Variants in BRCA1 observed in about 807,000 individuals in gnomAD.
BRCA1 encodes the protein BRCA1 DNA repair associated.
In BRCA1, 140 loss-of-function variants were observed where a neutral mutation model predicts 173.7. The ratio of observed to expected loss-of-function variants is 0.81; its 90% CI spans 0.70 to 0.93. The LOEUF (loss-of-function observed/expected upper bound fraction) is 0.93. BRCA1 is among the 40% of genes least tolerant of loss of function. BRCA1 has a pLI of 0.00. For missense variants in BRCA1, 1,983 were observed against 2,172.5 expected (o/e 0.91, Z 1.73); for synonymous variants, 662 against 756.0 (o/e 0.88, Z 2.04).
Position 43,095,838 on chromosome 17 carries a change from G to A in BRCA1, c.670+8C>T, listed in dbSNP as rs80358050. The A allele has an allele frequency of 3.7e-6, 6 of 1,610,134 alleles. No individual in the cohort carries two copies. Among genetic ancestry groups the A allele is most frequent in the African/African-American group, 1.3e-5 (1 of 74,884 alleles). ...AGTGCCTGTTAAGTTGGCAAACTTT[G>A]CCATTACCCTTTTTTGCAGAATCCA... On this transcript the variant is annotated splice_region_variant and intron_variant, in intron 9 of 22. Coordinates refer to ENST00000357654, the MANE Select transcript of BRCA1 (RefSeq NM_007294.4).
At chr17:43,106,418 G>T (rs776607293) in intron 4 of BRCA1, 38 bp downstream of exon 4, 1 of 1,310,990 alleles carries the variant, frequency 7.6e-7, no homozygotes, top group South Asian at 1.2e-5. Flanking sequence ...TTCCTACTGT[G>T]GTTGCTTCCA....
chr17:43,086,995 T>C (rs916296050), intron 11 of BRCA1, among the ~76,000 whole-genome samples: 5 of 152,212 alleles, frequency 3.3e-5, no homozygotes, highest in African/African-American at 1.2e-4. Flanking sequence ...CCTTCTCTAA[T>C]TGTAGTTCTC....
At chr17:43,111,729 G>A in intron 3 of BRCA1, among the ~76,000 whole-genome samples, 1 of 152,108 alleles carries the variant, frequency 6.6e-6, no homozygotes, top group Non-Finnish European at 1.5e-5. Context: ...GGCTGAGGCA[G>A]GAGAATGGTG....
intron 1 of BRCA1, chr17:43,163,215 G>A (rs1270244441): frequency 2.6e-5 from 4 of 152,240 alleles, no homozygotes; most frequent in African/African-American, 9.7e-5. Context: ...TGGAAATCCT[G>A]TCTAGTTGTT....
chr17:43,083,439 C>T (rs1228752275), intron 11 of BRCA1, among the ~76,000 whole-genome samples: 1 of 152,034 alleles, frequency 6.6e-6, no homozygotes, highest in Non-Finnish European at 1.5e-5. Context: ...TAGAGACATG[C>T]GCCATTGTGC....
At position 43,046,509 on chromosome 17, in the gene BRCA1, T is replaced by G. The variant is rs539183859; in HGVS notation, c.5468-707A>C. On this transcript the variant is annotated intron_variant, in intron 22 of 22. Transcript: ENST00000357654. ...ACATCCTGGGTTCAAGCGATTCTCC[T>G]GCCTCAGTCTCCCAAGTAGCTGGGA... is the stretch of plus-strand genomic sequence containing the variant. Among the ~76,000 whole-genome samples the G allele has an allele frequency of 1.7e-4, 26 of 152,106 alleles. No homozygotes were observed. The East Asian group carries it at 3.7e-3, about 22-fold the overall frequency.
rs2052380495 is a variant in BRCA1 at position 43,071,001 on chromosome 17, T to C, written c.4913A>G (p.Glu1638Gly). The stretch of plus-strand genomic sequence containing the variant: ...GACCCTTTCTGTTGAAGCTGTCAAT[T>C]CTGGCTTCTCCCTGCTCACACTTTC... ...MEESVSREKP[E>G]LTASTERVNK... is the part of the protein sequence containing the mutation. The change falls in exon 15 of 23, where the codon GAA becomes GGA. Residue 1638 changes from glutamate (E) to glycine (G), a missense_variant. Glu to Gly is a moderately conservative substitution (Grantham distance 98). Coordinates refer to ENST00000357654, the MANE Select transcript of BRCA1 (RefSeq NM_007294.4). 1 of 1,614,240 alleles carries C rather than the reference T, an allele frequency of 6.2e-7. No homozygotes were observed. Among genetic ancestry groups the C allele is most frequent in the Non-Finnish European group, 8.5e-7 (1 of 1,180,040 alleles).
chr17:43,108,915 C>T (rs2054914455), intron 3 of BRCA1, among the ~76,000 whole-genome samples: 1 of 152,060 alleles, frequency 6.6e-6, no homozygotes, highest in South Asian at 2.1e-4. Flanking sequence ...ATCTCTTGAA[C>T]CCGGGAGGCG....
chr17:43,077,743 A>AT (rs8176205), intron 12 of BRCA1, among the ~76,000 whole-genome samples: 1 of 102,492 alleles, frequency 9.8e-6, no homozygotes, highest in Non-Finnish European at 2.0e-5. Context: ...TTATTTATTT[A>AT]TTTTTTTTGA....
intron 16 of BRCA1, chr17:43,067,316 A>G (rs2052132510): frequency 8.3e-6 from 2 of 241,504 alleles, no homozygotes; most frequent in Non-Finnish European, 7.9e-6. Context: ...ATGCAGTGGC[A>G]TGATCTCGGC....
rs190900046 is a variant in BRCA1 at position 43,104,197 on chromosome 17, A to C, written c.366T>G (p.Val122=). 11 of 1,613,794 alleles carry C rather than the reference A, an allele frequency of 6.8e-6. No individual in the cohort carries two copies. In the Admixed American group the frequency reaches 1.3e-4, roughly 20 times the overall value. Residue 122 remains valine, a synonymous_variant, in exon 6 of 23, where the codon GTT becomes GTG. Coordinates refer to ENST00000357654, the MANE Select transcript of BRCA1 (RefSeq NM_007294.4). ...TGTAGCCCATACTTTGGATGATAGAAACTTCATCTTTTAGATGTTCAGGAG... is the reference window on the plus strand; with the variant it reads ...TGTAGCCCATACTTTGGATGATAGACACTTCATCTTTTAGATGTTCAGGAG... The part of the protein sequence containing the change: ...NNSPEHLKDE[V]SIIQSMGYRN...
At chr17:43,146,652 C>T (rs1473039163) in intron 1 of BRCA1, among the ~76,000 whole-genome samples, 1 of 151,754 alleles carries the variant, frequency 6.6e-6, no homozygotes, top group Non-Finnish European at 1.5e-5. Context: ...ATTGAAATGT[C>T]TGTACTGACC....
chr17:43,127,481 C>G (rs2055920211), upstream of BRCA1, among the ~76,000 whole-genome samples: 1 of 152,142 alleles, frequency 6.6e-6, no homozygotes, highest in African/African-American at 2.4e-5. Flanking sequence ...ATGCACCAAT[C>G]AGCACTCTGT....
chr17:43,107,190 G>A (rs1419698435), intron 3 of BRCA1, among the ~76,000 whole-genome samples: 2 of 148,542 alleles, frequency 1.3e-5, no homozygotes, highest in Admixed American at 6.9e-5. Context: ...TCAGCCTCCC[G>A]AGCAGCTGGG....
At chr17:43,145,025 T>C (rs941372273) in intron 1 of BRCA1, 3 of 725,668 alleles carry the variant, frequency 4.1e-6, no homozygotes, top group African/African-American at 1.8e-5. Context: ...ATCAGCGCAA[T>C]TGTCAGCTAA....
chr17:43,152,017 G>A (rs898571315), intron 1 of BRCA1, among the ~76,000 whole-genome samples: 3 of 152,118 alleles, frequency 2.0e-5, no homozygotes. Context: ...ATAACACCCT[G>A]GAATAGGTAA....
In BRCA1 at chr17:43,125,353, G is replaced by A. The variant is rs1327413886; in HGVS notation, c.-102C>T. 2.3e-6 allele frequency: 1 copy of A among 434,022 alleles called. No homozygotes were observed. The highest frequency in any genetic ancestry group is 2.5e-5 in the Admixed American group (1 of 40,226). 26.9% of individuals were successfully genotyped at this position (434,022 alleles called of 1,614,324 possible). A position where few individuals can be genotyped will look rare whatever the true frequency, so the allele number is the denominator to read the frequency against. ...AACCCCACAGCCTGTCCCCCGTCCA[G>A]GAAGTCTCAGCGAGCTCACGCCGCG... On this transcript the variant is annotated 5_prime_UTR_variant, in exon 1 of 23. Transcript: ENST00000357654.
chr17:43,168,812 A>C (rs1396730274), intron 1 of BRCA1, among the ~76,000 whole-genome samples: 1 of 152,186 alleles, frequency 6.6e-6, no homozygotes, highest in Admixed American at 6.5e-5. Flanking sequence ...AAGAAAGAGA[A>C]AGCTACAGGG....
At position 43,094,438 on chromosome 17, in the gene BRCA1, TAGGATTCTCTG is replaced by T. The variant is rs80359880; in HGVS notation, c.1082_1092del (p.Ser361Ter). ...ATCCAAGGAACATCTTCAGTATCTC[TAGGATTCTCTG>T]AGCATGGCAGTTTCTGCTTATTCCA... On this transcript the variant is annotated frameshift_variant, in exon 10 of 23. Transcript: ENST00000357654. LOFTEE classifies it high-confidence loss of function. 4 of 1,614,132 alleles carry T rather than the reference TAGGATTCTCTG, an allele frequency of 2.5e-6. No individual in the cohort carries two copies. The highest frequency in any genetic ancestry group is 2.5e-6 in the Non-Finnish European group (3 of 1,180,022).
Sources: gnomAD v4.1 joint callset for allele counts (sites outside exome capture counted in the v4.1 genomes callset) on GRCh38, gnomAD v4.1.1 for gene constraint, MANE v1.5 for transcripts, NCBI Gene and HGNC (gene_info 2026-07-23, HGNC 2026-07-21) for gene names.